The following MAMDC2 variants were observed in gnomAD, a reference collection of about 807,000 sequenced individuals.
The protein encoded by MAMDC2 is MAM domain containing 2, also known as MAM domain-containing protein 2.
A neutral mutation model predicts 89.8 loss-of-function variants in MAMDC2; 57 were observed. The observed-to-expected ratio is 0.63, with a 90% CI of 0.51 to 0.79. The LOEUF (loss-of-function observed/expected upper bound fraction) is 0.79. Ranked by LOEUF, MAMDC2 falls within the 30% of genes least tolerant of loss-of-function variation. MAMDC2 has a pLI of 0.00. For missense variants in MAMDC2, 800 were observed against 820.6 expected, an observed-to-expected ratio of 0.97 and a Z score of 0.31; for synonymous variants, 313 against 293.4, an observed-to-expected ratio of 1.07 and a Z score of -0.68.
rs34946038 is a variant in MAMDC2 at position 70,068,725 on chromosome 9, C to CAAA, written c.148+24045_148+24047dup. 2.2e-3 allele frequency among the ~76,000 whole-genome samples: 221 copies of CAAA among 99,624 alleles called. 3 individuals are homozygous for CAAA. The highest frequency in any genetic ancestry group is 6.5e-3 in the African/African-American group (167 of 25,648). The allele number at this position is 99,624 out of a possible 152,430, so 65.4% of individuals were successfully genotyped here. ...TGACAGAGTGAGACTCCCTCCATCA[C>CAAA]AAAAAAAAAAAAAAAAAAAGGCAAT... On this transcript the variant is annotated intron_variant, in intron 2 of 13. Transcript: ENST00000377182.
At chr9:70,139,199 C>T (rs552832223) in intron 7 of MAMDC2, among the ~76,000 whole-genome samples, 3 of 148,216 alleles carry the variant, frequency 2.0e-5, no homozygotes, top group Non-Finnish European at 4.5e-5. Context: ...TATACATGTG[C>T]CATGCTGGTG....
At chr9:70,090,622 T>A (rs990189970) in intron 2 of MAMDC2, 2 of 152,170 alleles carry the variant, frequency 1.3e-5, no homozygotes, top group Non-Finnish European at 1.5e-5. Flanking sequence ...TTTATGATGA[T>A]GGGGAAAGTG....
chr9:70,207,432 G>C (rs931114090), intron 11 of MAMDC2, among the ~76,000 whole-genome samples: 4 of 152,204 alleles, frequency 2.6e-5, no homozygotes, highest in African/African-American at 9.6e-5. Context: ...GTCTTCTTTT[G>C]AGAAGTGTCC....
In MAMDC2 at chr9:70,126,334, G is replaced by A. The variant is rs1374656696; in HGVS notation, c.819G>A (p.Glu273=). 6 of 1,614,036 alleles carry A rather than the reference G, an allele frequency of 3.7e-6. No homozygotes were observed. The highest frequency in any genetic ancestry group is 4.2e-6 in the Non-Finnish European group (5 of 1,180,034). The change falls in exon 6 of 14, where the codon GAG becomes GAA. Residue 273 remains glutamate, a synonymous_variant. Transcript: ENST00000377182. ...LYTRDVAGLY[E]EIWKADRPGN... is the part of the protein sequence containing the mutation. The stretch of plus-strand genomic sequence containing the variant: ...CTCGGGATGTGGCTGGCCTTTACGA[G>A]GAAATCTGGAAAGCAGACAGGCCAG...
At chr9:70,145,539 T>G (rs1169004141) in intron 9 of MAMDC2, among the ~76,000 whole-genome samples, 1 of 150,392 alleles carries the variant, frequency 6.6e-6, no homozygotes, top group African/African-American at 2.5e-5. Context: ...CTCTTACAAG[T>G]AGTTATAGTA....
rs191002022 is a variant in MAMDC2 at position 70,124,188 on chromosome 9, G to A, written c.644-1971G>A. ...TTCTCACCCCAAGCCGGTTATTGCCGCATAAGAATATGGGCCTAGGACTAT... is the reference window on the plus strand; with the variant it reads ...TTCTCACCCCAAGCCGGTTATTGCCACATAAGAATATGGGCCTAGGACTAT... On this transcript the variant is annotated intron_variant, in intron 5 of 13. Transcript: ENST00000377182. Among the ~76,000 whole-genome samples the A allele has an allele frequency of 5.4e-3, 824 of 152,256 alleles. 6 individuals are homozygous for A. The highest frequency in any genetic ancestry group is 0.018 in the African/African-American group (743 of 41,550).
intron 9 of MAMDC2, among the ~76,000 whole-genome samples, chr9:70,155,462 G>C (rs563036334): frequency 6.6e-6 from 1 of 152,198 alleles, no homozygotes; most frequent in Admixed American, 6.5e-5. Context: ...TGCCCATCTA[G>C]GCATTTGATC....
chr9:70,168,525 G>T, intron 9 of MAMDC2, 177 bp from the exon 10 acceptor site: 1 of 557,352 alleles, frequency 1.8e-6, no homozygotes, highest in Non-Finnish European at 3.2e-6. Flanking sequence ...GTAATTCCAG[G>T]GTTTTATGCA....
At chr9:70,112,423 GA>G (rs1255397466) in intron 4 of MAMDC2, among the ~76,000 whole-genome samples, 2 of 152,238 alleles carry the variant, frequency 1.3e-5, no homozygotes, top group East Asian at 3.9e-4. Flanking sequence ...TGATTTATAA[GA>G]AAAACAGGGA....
At position 70,088,269 on chromosome 9, in the gene MAMDC2, A is replaced by C. The variant is rs538000213; in HGVS notation, c.149-19942A>C. On this transcript the variant is annotated intron_variant, in intron 2 of 13. Transcript: ENST00000377182. The stretch of plus-strand genomic sequence containing the variant: ...CCCTGCCTTTTAGGTCTCCTAGGTG[A>C]AGAAAGGTAAGAACAATGGGGGAAA... 3.3e-5 allele frequency: 5 copies of C among 152,216 alleles called. No individual in the cohort carries two copies. The East Asian group carries it at 9.7e-4, about 29-fold the overall frequency. 9.4% of individuals were successfully genotyped at this position (152,216 alleles called of 1,614,324 possible).
chr9:70,122,788 T>A (rs1437420112), intron 5 of MAMDC2, among the ~76,000 whole-genome samples: 1 of 152,190 alleles, frequency 6.6e-6, no homozygotes, highest in Admixed American at 6.5e-5. Context: ...TATGGAGGAA[T>A]GAGCCCACAA....
chr9:70,092,144 T>A (rs1051716707), intron 2 of MAMDC2: 2 of 152,194 alleles, frequency 1.3e-5, no homozygotes, highest in African/African-American at 4.8e-5. Context: ...AAACCTGCCA[T>A]CAATGAATAT....
chr9:70,166,334 C>CAT (rs1262781306), intron 9 of MAMDC2, among the ~76,000 whole-genome samples: 7 of 149,682 alleles, frequency 4.7e-5, no homozygotes, highest in African/African-American at 1.2e-4. Flanking sequence ...CATATATATA[C>CAT]ACACATATAT....
At chr9:70,209,376 G>A (rs1044062297) in intron 11 of MAMDC2, among the ~76,000 whole-genome samples, 1 of 152,084 alleles carries the variant, frequency 6.6e-6, no homozygotes, top group Non-Finnish European at 1.5e-5. Context: ...TATGTGTTGA[G>A]GAATTTATCC....
intron 11 of MAMDC2, among the ~76,000 whole-genome samples, chr9:70,191,455 G>C (rs2118602032): frequency 6.6e-6 from 1 of 152,046 alleles, no homozygotes; most frequent in African/African-American, 2.4e-5. Context: ...GCCACTTGTG[G>C]TTCTGTTTCT....
chr9:70,080,420 A>G (rs1187316346), intron 2 of MAMDC2, among the ~76,000 whole-genome samples: 1 of 152,250 alleles, frequency 6.6e-6, no homozygotes, highest in Non-Finnish European at 1.5e-5. Context: ...TTTCCAGGTC[A>G]ACAGCGATCT....
intron 11 of MAMDC2, among the ~76,000 whole-genome samples, chr9:70,216,037 G>C (rs1422949470): frequency 6.6e-6 from 1 of 152,114 alleles, no homozygotes; most frequent in Non-Finnish European, 1.5e-5. Flanking sequence ...ATTAATTAGA[G>C]TTCATTGATT....
intron 5 of MAMDC2, among the ~76,000 whole-genome samples, chr9:70,115,631 A>T (rs2029952211): frequency 6.6e-6 from 1 of 152,128 alleles, no homozygotes; most frequent in Non-Finnish European, 1.5e-5. Flanking sequence ...GCTGTTTAGC[A>T]CTTTTGACAG....
intron 11 of MAMDC2, among the ~76,000 whole-genome samples, chr9:70,202,053 T>C (rs2033111332): frequency 1.3e-5 from 2 of 151,962 alleles, no homozygotes. Context: ...CTCTATTTCC[T>C]TCAGTTCTGC....
Sources: gnomAD v4.1 joint callset for allele counts (sites outside exome capture counted in the v4.1 genomes callset) on GRCh38, gnomAD v4.1.1 for gene constraint, MANE v1.5 for transcripts, NCBI Gene and HGNC (gene_info 2026-07-23, HGNC 2026-07-21) for gene names.